FMN1: variants seen among roughly 807,000 people sequenced by gnomAD.
FMN1 encodes formin-1.
A neutral mutation model predicts 132.4 loss-of-function variants in FMN1; 110 were observed. The ratio of observed to expected loss-of-function variants is 0.83; its 90% CI spans 0.71 to 0.97. The LOEUF is 0.97. Among genes scored for constraint, FMN1 ranks in the 50% least tolerant of loss-of-function variants. FMN1 has a pLI of 0.00. For missense variants in FMN1, 1,792 were observed against 1,705.3 expected (o/e 1.05, Z -0.90); for synonymous variants, 722 against 651.7 (o/e 1.11, Z -1.64).
At chr15:32,902,275 T>C (rs2060316869) in intron 12 of FMN1, among the ~76,000 whole-genome samples, 1 of 152,218 alleles carries the variant, frequency 6.6e-6, no homozygotes, top group Non-Finnish European at 1.5e-5. Context: ...TAGAAATTCC[T>C]TCGGGAACAG....
intron 4 of FMN1, among the ~76,000 whole-genome samples, chr15:33,102,164 C>T (rs532421836): frequency 6.6e-6 from 1 of 152,200 alleles, no homozygotes; most frequent in South Asian, 2.1e-4. Flanking sequence ...ATCTGCTTTA[C>T]CATAAAGCTG....
At chr15:32,920,073 G>A (rs185308160) in intron 10 of FMN1, among the ~76,000 whole-genome samples, 31 of 152,270 alleles carry the variant, frequency 2.0e-4, no homozygotes, top group Admixed American at 1.2e-3. Context: ...TTAATTCTGC[G>A]TGTATGGGAA....
chr15:33,137,396 T>C (rs532047328), intron 4 of FMN1, among the ~76,000 whole-genome samples: 1 of 152,190 alleles, frequency 6.6e-6, no homozygotes, highest in Non-Finnish European at 1.5e-5. Context: ...CATTCCAGAG[T>C]TCCCTCTGCC....
intron 7 of FMN1, among the ~76,000 whole-genome samples, chr15:32,984,086 AT>A (rs1339864070): frequency 1.3e-5 from 2 of 152,022 alleles, no homozygotes; most frequent in Non-Finnish European, 2.9e-5. Context: ...GATGAGTGTG[AT>A]TTTTTTCATA....
chr15:32,813,845 A>G (rs1022123819), intron 17 of FMN1, among the ~76,000 whole-genome samples: 1 of 152,226 alleles, frequency 6.6e-6, no homozygotes, highest in Non-Finnish European at 1.5e-5. Context: ...TAATAATTTA[A>G]TAATTTTGGC....
At chr15:32,977,161 A>G (rs533162638) in intron 7 of FMN1, among the ~76,000 whole-genome samples, 3 of 152,312 alleles carry the variant, frequency 2.0e-5, no homozygotes, top group South Asian at 2.1e-4. Context: ...ATCAATGCAT[A>G]TAATTATAAC....
chr15:32,775,003 T>C (rs2056371056), intron 20 of FMN1, among the ~76,000 whole-genome samples: 1 of 152,032 alleles, frequency 6.6e-6, no homozygotes, highest in Admixed American at 6.6e-5. Flanking sequence ...TCTGTGACAC[T>C]AGGGAAGCAC....
At chr15:32,902,470 G>A (rs1298858818) in intron 12 of FMN1, among the ~76,000 whole-genome samples, 1 of 140,652 alleles carries the variant, frequency 7.1e-6, no homozygotes, top group African/African-American at 2.9e-5. Flanking sequence ...TGAGGCAAAT[G>A]TCTACAGACA....
chr15:32,880,210 C>T lies in FMN1; in HGVS notation c.3835+7962G>A, dbSNP rs962025313. 9.9e-5 allele frequency among the ~76,000 whole-genome samples: 15 copies of T among 152,138 alleles called. No homozygotes were observed. In the South Asian group the frequency reaches 1.0e-3, roughly 11 times the overall value. On this transcript the variant is annotated intron_variant, in intron 16 of 20. Transcript: ENST00000616417. Reference sequence around the variant, plus strand: ...TTATTATGACTTTGCAAAAACAACTCGCAGTCCCAGCTGATATATGGAAAC... The same window carrying T: ...TTATTATGACTTTGCAAAAACAACTTGCAGTCCCAGCTGATATATGGAAAC...
chr15:33,180,756 T>TC (rs1273660144), intron 2 of FMN1, among the ~76,000 whole-genome samples: 5 of 149,742 alleles, frequency 3.3e-5, no homozygotes, highest in African/African-American at 1.2e-4. Flanking sequence ...TTTTTTTTTT[T>TC]TTTTTTTTTT....
At chr15:33,150,445 T>C (rs1003380281) in intron 4 of FMN1, 6 of 985,344 alleles carry the variant, frequency 6.1e-6, no homozygotes, top group Non-Finnish European at 7.2e-6. Context: ...ATTCTCTATT[T>C]TATCACCACT....
At position 32,936,410 on chromosome 15, in the gene FMN1, T is replaced by A. The variant is rs577060667; in HGVS notation, c.3139-10149A>T. ...TCTGGGGGATTTTCAAGCCTTTTTC[T>A]GTGGATAAATATTCTCTGGACTTAC... On this transcript the variant is annotated intron_variant, in intron 9 of 20. Transcript: ENST00000616417. 3.9e-5 allele frequency among the ~76,000 whole-genome samples: 6 copies of A among 152,370 alleles called. No individual in the cohort carries two copies. The South Asian group carries it at 1.2e-3, about 32-fold the overall frequency.
At chr15:32,972,920 A>C (rs945747186) in intron 7 of FMN1, among the ~76,000 whole-genome samples, 4 of 152,048 alleles carry the variant, frequency 2.6e-5, no homozygotes, top group Non-Finnish European at 5.9e-5. Flanking sequence ...CTCACTATTA[A>C]TGCCTCATCG....
intron 17 of FMN1, among the ~76,000 whole-genome samples, chr15:32,833,353 A>C (rs1312216761): frequency 6.6e-6 from 1 of 152,198 alleles, no homozygotes; most frequent in African/African-American, 2.4e-5. Context: ...CAGCTGTTTT[A>C]TAAGGGACTC....
At chr15:32,940,812 AC>A (rs2061385713) in intron 9 of FMN1, among the ~76,000 whole-genome samples, 1 of 152,158 alleles carries the variant, frequency 6.6e-6, no homozygotes, top group South Asian at 2.1e-4. Context: ...AAGGACTCTT[AC>A]CATTCTTCAT....
chr15:33,048,938 G>A (rs554342326), intron 6 of FMN1, among the ~76,000 whole-genome samples: 12 of 152,248 alleles, frequency 7.9e-5, no homozygotes, highest in African/African-American at 2.9e-4. Flanking sequence ...AACTGTATCA[G>A]GAAAGTAAAA....
chr15:33,124,241 GATGTT>G (rs1456199314), intron 4 of FMN1, among the ~76,000 whole-genome samples: 26 of 149,638 alleles, frequency 1.7e-4, no homozygotes, highest in Admixed American at 3.3e-4. Flanking sequence ...AAAGGAAACA[GATGTT>G]ATGTGGAGGA....
chr15:33,004,273 A>G (rs2034285500), intron 7 of FMN1, among the ~76,000 whole-genome samples: 1 of 152,338 alleles, frequency 6.6e-6, no homozygotes, highest in East Asian at 1.9e-4. Flanking sequence ...AGAATGGGAG[A>G]AAATTTTTGC....
In FMN1 at chr15:33,153,121, C is replaced by A. The variant is rs897405498; in HGVS notation, c.1794G>T (p.Val598=). Residue 598 remains valine (V), a synonymous_variant, in exon 4 of 21, where the codon GTG becomes GTT. Coordinates refer to ENST00000616417, the MANE Select transcript of FMN1 (RefSeq NM_001277313.2). ...AGCTCTTTTCCAAAGTTTCCCCAGG[C>A]ACCAACCGAGGTTGGCCTGCTCTGA... ...AFLRAGQPRL[V]PGETLEKSLG... 2.0e-6 allele frequency: 3 copies of A among 1,536,086 alleles called. No homozygotes were observed. Among genetic ancestry groups the A allele is most frequent in the Non-Finnish European group, 2.6e-6 (3 of 1,146,894 alleles).
Sources: allele counts gnomAD v4.1 joint callset (sites outside exome capture counted in the v4.1 genomes callset), GRCh38; gene constraint gnomAD v4.1.1; transcripts MANE v1.5; gene names NCBI Gene and HGNC (gene_info 2026-07-23, HGNC 2026-07-21).